The following KIF26B variants were observed in gnomAD, a reference collection of about 807,000 sequenced individuals.
KIF26B encodes the protein kinesin-like protein KIF26B.
A neutral mutation model predicts 151.2 loss-of-function variants in KIF26B; 63 were observed. That is an observed-to-expected ratio of 0.42 (90% CI 0.34 to 0.51). The LOEUF (loss-of-function observed/expected upper bound fraction) is 0.51. Ranked by LOEUF, KIF26B falls within the 20% of genes least tolerant of loss-of-function variation. KIF26B has a pLI of 0.07. For missense variants in KIF26B, 2,813 were observed against 2,913.6 expected (o/e 0.97, Z 0.79); for synonymous variants, 1,357 against 1,262.1 (o/e 1.08, Z -1.59).
chr1:245,426,178 T>C (rs1232914658), intron 4 of KIF26B, among the ~76,000 whole-genome samples: 1 of 151,978 alleles, frequency 6.6e-6, no homozygotes, highest in Non-Finnish European at 1.5e-5. Context: ...CTTCTTTCTC[T>C]CTCTCCCCCT....
intron 2 of KIF26B, among the ~76,000 whole-genome samples, chr1:245,268,238 G>A (rs1243232845): frequency 6.6e-6 from 1 of 151,984 alleles, no homozygotes; most frequent in Non-Finnish European, 1.5e-5. Context: ...GGGAAGCCGG[G>A]CCAGGTGGAT....
chr1:245,462,431 C>A (rs998929465), intron 4 of KIF26B, among the ~76,000 whole-genome samples: 21 of 152,136 alleles, frequency 1.4e-4, no homozygotes, highest in African/African-American at 4.6e-4. Flanking sequence ...GACTTCCTAG[C>A]GCATTTAGAC....
chr1:245,547,773 C>T (rs981964262), intron 5 of KIF26B, among the ~76,000 whole-genome samples: 1 of 152,090 alleles, frequency 6.6e-6, no homozygotes, highest in Non-Finnish European at 1.5e-5. Flanking sequence ...TGGCATATCG[C>T]TACATATAAA....
intron 6 of KIF26B, among the ~76,000 whole-genome samples, chr1:245,605,547 C>T (rs1211560641): frequency 6.6e-6 from 1 of 152,206 alleles, no homozygotes; most frequent in African/African-American, 2.4e-5. Context: ...CCTTCAGTGG[C>T]TTCGGCAGTC....
intron 2 of KIF26B, among the ~76,000 whole-genome samples, chr1:245,174,447 CAGAG>C (rs1668768290): frequency 6.6e-6 from 1 of 152,016 alleles, no homozygotes; most frequent in African/African-American, 2.4e-5. Flanking sequence ...GAGAGAAGGA[CAGAG>C]AGACCAAGAA....
intron 3 of KIF26B, chr1:245,370,580 C>G (rs1241376609): frequency 2.4e-5 from 11 of 456,592 alleles, no homozygotes; most frequent in South Asian, 9.3e-5. Flanking sequence ...TTCCAGGACT[C>G]CGAAGCTCTT....
chr1:245,702,574 A>T lies in KIF26B; in HGVS notation c.6295A>T (p.Thr2099Ser). 6.2e-7 allele frequency: 1 copy of T among 1,613,920 alleles called. No homozygotes were observed. The highest frequency in any genetic ancestry group is 1.1e-5 in the South Asian group (1 of 91,072). The stretch of plus-strand genomic sequence containing the variant: ...CTGCAAGGCCCATCTCATGATGATC[A>T]CCTGCTTCGACATCACCTCCAGGCG... ...NFCKAHLMMI[T>S]CFDITSRRR is the part of the protein sequence containing the mutation. Residue 2099 changes from threonine to serine, a missense_variant, in exon 15 of 15, where the codon ACC (threonine) becomes TCC (serine). This residue lies in a region of KIF26B where 2,060 missense variants were observed against 2,088.6 expected (regional missense o/e 0.99). Coordinates refer to ENST00000407071, the MANE Select transcript of KIF26B (RefSeq NM_018012.4). The surrounding 1 kb of genome is among the most constrained non-coding windows in gnomAD (Gnocchi z 4.1).
At chr1:245,339,365 C>T (rs988647173) in intron 2 of KIF26B, among the ~76,000 whole-genome samples, 2 of 152,132 alleles carry the variant, frequency 1.3e-5, no homozygotes, top group African/African-American at 2.4e-5. Flanking sequence ...TTATTCTGTA[C>T]GGATGTGGCT....
chr1:245,675,304 G>A (rs2044344997), intron 10 of KIF26B, among the ~76,000 whole-genome samples: 1 of 152,130 alleles, frequency 6.6e-6, no homozygotes. Flanking sequence ...TTCCCATGTG[G>A]TCTAACTCAG....
In KIF26B at chr1:245,700,956, C is replaced by CTATTATT. The variant is rs1553307791; in HGVS notation, c.6179-1498_6179-1497insATTTATT. Among the ~76,000 whole-genome samples, 311 of 152,336 alleles carry CTATTATT rather than the reference C, an allele frequency of 2.0e-3. 1 individual carries two copies. Among genetic ancestry groups the CTATTATT allele is most frequent in the African/African-American group, 7.1e-3 (294 of 41,582 alleles). On this transcript the variant is annotated intron_variant, in intron 14 of 14. Transcript: ENST00000407071. ...GTCAGTTCTCTCTCCTTCATTTTTGCTATTTTCATTAACATTTTATTTTCA... is the reference window on the plus strand; with the variant it reads ...GTCAGTTCTCTCTCCTTCATTTTTGCTATTATTTATTTTCATTAACATTTTATTTTCA...
chr1:245,430,219 T>A (rs1558162537), intron 4 of KIF26B, among the ~76,000 whole-genome samples: 2 of 151,604 alleles, frequency 1.3e-5, no homozygotes, highest in Admixed American at 1.3e-4. Context: ...ACCTGTGAAC[T>A]GAAGGAGAGG....
chr1:245,684,752 T>A (rs766474989), intron 11 of KIF26B, among the ~76,000 whole-genome samples: 24 of 152,208 alleles, frequency 1.6e-4, no homozygotes, highest in Non-Finnish European at 2.9e-4. Context: ...CCTGCGTAGG[T>A]GGAGACTGTG....
Position 245,318,258 on chromosome 1 carries a change from C to T in KIF26B, c.466-48576C>T, listed in dbSNP as rs915765573. On this transcript the variant is annotated intron_variant, in intron 2 of 14. Transcript: ENST00000407071. The surrounding 1 kb of genome is among the most constrained non-coding windows in gnomAD (Gnocchi z 4.0). ...AAGACAAAACAAATCAATCAGTCAACGTCAACTCTTGTCATTGCTTGGGGG... is the reference window on the plus strand; with the variant it reads ...AAGACAAAACAAATCAATCAGTCAATGTCAACTCTTGTCATTGCTTGGGGG... Among the ~76,000 whole-genome samples the T allele has an allele frequency of 9.2e-5, 14 of 152,196 alleles. No individual in the cohort carries two copies. The highest frequency in any genetic ancestry group is 1.8e-4 in the Non-Finnish European group (12 of 68,022).
At chr1:245,655,766 G>A (rs2044066297) in intron 10 of KIF26B, among the ~76,000 whole-genome samples, 1 of 152,244 alleles carries the variant, frequency 6.6e-6, no homozygotes, top group South Asian at 2.1e-4. Flanking sequence ...CACAGCCGGA[G>A]AGGTGGTATG....
At position 245,609,479 on chromosome 1, in the gene KIF26B, G is replaced by A; in HGVS notation, c.1865G>A (p.Gly622Asp). 1 of 1,600,148 alleles carries A rather than the reference G, an allele frequency of 6.2e-7. No individual in the cohort carries two copies. Among genetic ancestry groups the A allele is most frequent in the Non-Finnish European group, 8.5e-7 (1 of 1,173,164 alleles). Residue 622 changes from glycine (G) to aspartate (D), a missense_variant, in exon 8 of 15, where the codon GGC becomes GAC. Transcript: ENST00000407071. ...SEVATGSLQD[G>D]QSPGVYLCED... ...GTGGCCACGGGCAGCCTGCAGGACGGCCAGTCCCCGGGCGTGTACCTCTGT... is the reference window on the plus strand; with the variant it reads ...GTGGCCACGGGCAGCCTGCAGGACGACCAGTCCCCGGGCGTGTACCTCTGT...
intron 3 of KIF26B, among the ~76,000 whole-genome samples, chr1:245,398,702 C>A (rs929602052): frequency 6.6e-6 from 1 of 151,656 alleles, no homozygotes; most frequent in Non-Finnish European, 1.5e-5. Context: ...AAGAATTGCC[C>A]TCTGTAAAGT....
chr1:245,362,836 A>G (rs1444081147), intron 2 of KIF26B, among the ~76,000 whole-genome samples: 1 of 152,210 alleles, frequency 6.6e-6, no homozygotes, highest in Non-Finnish European at 1.5e-5. Context: ...TTTGGTATAT[A>G]TTCCTGAAAG....
chr1:245,674,062 C>A (rs2147943623), intron 10 of KIF26B, among the ~76,000 whole-genome samples: 1 of 152,270 alleles, frequency 6.6e-6, no homozygotes, highest in South Asian at 2.1e-4. Flanking sequence ...TACTCCTAAA[C>A]CTGAGGATGA....
intron 2 of KIF26B, among the ~76,000 whole-genome samples, chr1:245,181,151 T>A (rs1490004045): frequency 6.6e-6 from 1 of 152,170 alleles, no homozygotes; most frequent in Non-Finnish European, 1.5e-5. Flanking sequence ...AAGCCCTTTT[T>A]TTTCCCTTGA....
Sources: gnomAD v4.1 joint callset for allele counts (sites outside exome capture counted in the v4.1 genomes callset) on GRCh38, gnomAD v4.1.1 for gene constraint, gnomAD v4.1.1 regional missense constraint, Gnocchi (gnomAD v3.1) non-coding constraint, MANE v1.5 for transcripts, NCBI Gene and HGNC (gene_info 2026-07-23, HGNC 2026-07-21) for gene names.